The following CDC27 variants were observed in gnomAD, a reference collection of about 807,000 sequenced individuals.
CDC27 encodes cell division cycle 27.
A neutral mutation model predicts 109.7 loss-of-function variants in CDC27; 27 were observed. That is an observed-to-expected ratio of 0.25 (90% confidence interval 0.18 to 0.34). The LOEUF (loss-of-function observed/expected upper bound fraction) is 0.34, where lower values mean the gene tolerates loss of function less well. CDC27 is among the 10% of genes least tolerant of loss of function. The pLI, the probability that CDC27 is intolerant of heterozygous loss-of-function variation, is 1.00. For synonymous variants in CDC27, 266 were observed against 333.9 expected, an observed-to-expected ratio of 0.80 and a Z score of 2.22; for missense variants, 579 against 960.2, an observed-to-expected ratio of 0.60 and a Z score of 5.25.
At chr17:47,167,306 A>G (rs1157269298) in intron 4 of CDC27, among the ~76,000 whole-genome samples, 5 of 152,242 alleles carry the variant, frequency 3.3e-5, no homozygotes, top group Non-Finnish European at 7.3e-5. Context: ...ATAAAAGAAT[A>G]TGATGCTCTT....
chr17:47,139,684 G>A (rs2148858400), intron 12 of CDC27: 1 of 152,242 alleles, frequency 6.6e-6, no homozygotes, highest in African/African-American at 2.4e-5. Context: ...AACAGGTTAA[G>A]CTGGCTATCA....
chr17:47,131,237 AT>A (rs1307884189), intron 15 of CDC27, among the ~76,000 whole-genome samples: 1 of 152,240 alleles, frequency 6.6e-6, no homozygotes, highest in Non-Finnish European at 1.5e-5. Context: ...AATTGAATAA[AT>A]AAGGTGATGA....
At position 47,142,415 on chromosome 17, in the gene CDC27, T is replaced by A; in HGVS notation, c.1192A>T (p.Met398Leu). 4 of 1,466,320 alleles carry A rather than the reference T, an allele frequency of 2.7e-6. No individual in the cohort carries two copies. The highest frequency in any genetic ancestry group is 3.7e-6 in the Non-Finnish European group (4 of 1,068,418). 90.8% of individuals were successfully genotyped at this position (1,466,320 alleles called of 1,614,324 possible). A position where few individuals can be genotyped will look rare whatever the true frequency, so the allele number is the denominator to read the frequency against. The change falls in exon 11 of 19, where the codon ATG (methionine) becomes TTG (leucine). Residue 398 changes from methionine (M) to leucine (L), a missense_variant. This residue lies in a region of CDC27 where 58 missense variants were observed against 116.6 expected (regional missense o/e 0.50). Coordinates refer to ENST00000066544, the MANE Select transcript of CDC27 (RefSeq NM_001256.6). ...TTKENSKKLK[M>L]KFPPKIPNRK... ...TTTGGGATTTTAGGTGGAAACTTCA[T>A]TTTTAATTTTTTGCTATTCTCCTGT...
At chr17:47,147,422 AACAAAC>A (rs1272128417) in intron 9 of CDC27, among the ~76,000 whole-genome samples, 3 of 106,230 alleles carry the variant, frequency 2.8e-5, no homozygotes, top group African/African-American at 1.0e-4. Context: ...CAAACAAACA[AACAAAC>A]AAAAAAAAAA....
intron 2 of CDC27, chr17:47,181,254 CAAAAAAAAAAAAAA>C (rs34104273): frequency 0.018 from 553 of 31,254 alleles, 4 homozygotes; most frequent in African/African-American, 0.032. Context: ...GACCCTGTTT[CAAAAAAAAAAAAAA>C]AAAAAAAAAA....
chr17:47,143,806 A>G, intron 10 of CDC27, 77 bp downstream of exon 10: 2 of 569,958 alleles, frequency 3.5e-6, no homozygotes, highest in Admixed American at 6.5e-5. Context: ...ACTTATTAGG[A>G]ATGGAGTCAT....
At chr17:47,164,260 C>CT (rs1307999705) in intron 4 of CDC27, among the ~76,000 whole-genome samples, 2 of 152,198 alleles carry the variant, frequency 1.3e-5, no homozygotes, top group Non-Finnish European at 2.9e-5. Flanking sequence ...TGCATATGCA[C>CT]TTTATGATGT....
rs2061947009 is a variant in CDC27 at position 47,119,884 on chromosome 17, A to G, written c.*1051T>C. 6.6e-6 allele frequency: 1 copy of G among 152,242 alleles called. No individual in the cohort carries two copies. 9.4% of individuals were successfully genotyped at this position (152,242 alleles called of 1,614,324 possible). ...TCACACTACTGAAAAAATCTGAAGC[A>G]GAGAGTCAAAAAGAATGGAAAGGAT... On this transcript the variant is annotated 3_prime_UTR_variant, in exon 19 of 19. Coordinates refer to ENST00000066544, the MANE Select transcript of CDC27 (RefSeq NM_001256.6).
At chr17:47,166,976 T>C (rs892938656) in intron 4 of CDC27, among the ~76,000 whole-genome samples, 4 of 152,174 alleles carry the variant, frequency 2.6e-5, no homozygotes, top group African/African-American at 9.7e-5. Flanking sequence ...TGCCTCAGAC[T>C]CCCAAGTAGC....
intron 15 of CDC27, 136 bp downstream of exon 15, chr17:47,132,121 A>AT (rs1444956071): frequency 6.8e-5 from 37 of 543,730 alleles, no homozygotes; most frequent in Non-Finnish European, 1.2e-4. Flanking sequence ...AATGGGTAGT[A>AT]TTTTTGGGTG....
intron 5 of CDC27, 78 bp from the exon 6 acceptor site, chr17:47,157,462 G>A (rs2063352484): frequency 1.8e-6 from 2 of 1,101,358 alleles, no homozygotes; most frequent in African/African-American, 1.6e-5. Flanking sequence ...ATAAATCAGT[G>A]GAAACAGGAA....
intron 4 of CDC27, among the ~76,000 whole-genome samples, chr17:47,164,575 G>A (rs2063588892): frequency 2.6e-5 from 4 of 152,156 alleles, no homozygotes; most frequent in Admixed American, 2.6e-4. Flanking sequence ...CCAGCACTTC[G>A]GGAGGCCGAG....
chr17:47,189,056 C>A (rs2064568979), intron 1 of CDC27, 90 bp downstream of exon 1: 2 of 1,540,416 alleles, frequency 1.3e-6, no homozygotes, highest in Admixed American at 1.7e-5. Flanking sequence ...GCAGCCGGGC[C>A]TAGGCCGCAC....
In CDC27 at chr17:47,146,234, T is replaced by G. The variant is rs552343101; in HGVS notation, c.1071-2252A>C. On this transcript the variant is annotated intron_variant, in intron 9 of 18. Coordinates refer to ENST00000066544, the MANE Select transcript of CDC27 (RefSeq NM_001256.6). The stretch of plus-strand genomic sequence containing the variant: ...TTAAGTATAGCACTTTCCTGGACTC[T>G]GTGAGGTGCTCTAGCAAATTACTGA... Among the ~76,000 whole-genome samples, 29 of 152,350 alleles carry G rather than the reference T, an allele frequency of 1.9e-4. No homozygotes were observed. The South Asian group carries it at 5.8e-3, about 30-fold the overall frequency.
chr17:47,151,371 A>G (rs1030280109), intron 9 of CDC27, among the ~76,000 whole-genome samples: 1 of 152,224 alleles, frequency 6.6e-6, no homozygotes, highest in Non-Finnish European at 1.5e-5. Context: ...GCTATAATCT[A>G]TTGAGTCCTT....
At chr17:47,130,241 G>C (rs910897002) in intron 15 of CDC27, among the ~76,000 whole-genome samples, 1 of 151,982 alleles carries the variant, frequency 6.6e-6, no homozygotes, top group Non-Finnish European at 1.5e-5. Flanking sequence ...CACGCCTGTA[G>C]TCCGAGCTAC....
At chr17:47,142,513 G>A in intron 10 of CDC27, 77 bp from the exon 11 acceptor site, 1 of 575,366 alleles carries the variant, frequency 1.7e-6, no homozygotes, top group Non-Finnish European at 3.0e-6. Context: ...TCCAGTATTA[G>A]ATATAAAATA....
intron 14 of CDC27, among the ~76,000 whole-genome samples, chr17:47,136,161 A>C (rs1362753103): frequency 1.3e-5 from 2 of 148,600 alleles, no homozygotes; most frequent in Non-Finnish European, 3.0e-5. Context: ...ACAAACAAAC[A>C]AAAAAAAAAC....
Position 47,132,988 on chromosome 17 carries a change from CATATATATATAT to C in CDC27, c.1914-626_1914-615del, listed in dbSNP as rs1158266100. ...GGGGTTTTGCCATGTTGCCCAGGCGCATATATATATATATATATATATATATATATATATATA... is the reference window on the plus strand; with the variant it reads ...GGGGTTTTGCCATGTTGCCCAGGCGCATATATATATATATATATATATATA... On this transcript the variant is annotated intron_variant, in intron 14 of 18. Coordinates refer to ENST00000066544, the MANE Select transcript of CDC27 (RefSeq NM_001256.6). Among the ~76,000 whole-genome samples the C allele has an allele frequency of 5.4e-3, 221 of 40,892 alleles. 5 individuals are homozygous for C. Among genetic ancestry groups the C allele is most frequent in the Middle Eastern group, 0.023 (2 of 88 alleles). The allele number at this position is 40,892 out of a possible 152,430, so 26.8% of individuals were successfully genotyped here. A position where few individuals can be genotyped will look rare whatever the true frequency, so the allele number is the denominator to read the frequency against.
Sources: gnomAD v4.1 joint callset for allele counts (sites outside exome capture counted in the v4.1 genomes callset) on GRCh38, gnomAD v4.1.1 for gene constraint, gnomAD v4.1.1 regional missense constraint, MANE v1.5 for transcripts, NCBI Gene and HGNC (gene_info 2026-07-23, HGNC 2026-07-21) for gene names.